The following LSG1 variants were observed in gnomAD, a reference collection of about 807,000 sequenced individuals.
LSG1 encodes the protein large 60S subunit nuclear export GTPase 1, also known as large subunit GTPase 1 homolog.
In LSG1, 55 loss-of-function variants were observed where a neutral mutation model predicts 82.6. The ratio of observed to expected loss-of-function variants is 0.67; its 90% confidence interval spans 0.54 to 0.83. LSG1 has a LOEUF of 0.83. Among genes scored for constraint, LSG1 ranks in the 40% least tolerant of loss-of-function variants. The pLI is 0.00. For missense variants in LSG1, 809 were observed against 807.9 expected, an observed-to-expected ratio of 1.00 and a Z score of -0.02; for synonymous variants, 272 against 282.5, an observed-to-expected ratio of 0.96 and a Z score of 0.37.
At chr3:194,642,371 C>T in intron 13 of LSG1, 124 bp from the exon 14 acceptor site, 1 of 674,250 alleles carries the variant, frequency 1.5e-6, no homozygotes. Context: ...ACTTCCGCCC[C>T]CCTCCCCTTC....
chr3:194,641,306 A>C lies in LSG1; in HGVS notation c.*762T>G, dbSNP rs949249521. ...ACATTTTTATCACTGCAAAAGAAAG[A>C]CCTCAATCTTCCCATTCCTCCCATC... On this transcript the variant is annotated 3_prime_UTR_variant, in exon 14 of 14. Transcript: ENST00000265245. The C allele has an allele frequency of 2.0e-5, 3 of 152,190 alleles. No individual in the cohort carries two copies. The highest frequency in any genetic ancestry group is 2.9e-5 in the Non-Finnish European group (2 of 68,046). The allele number at this position is 152,190 out of a possible 1,614,324, so 9.4% of individuals were successfully genotyped here. A position where few individuals can be genotyped will look rare whatever the true frequency, so the allele number is the denominator to read the frequency against.
In LSG1 at chr3:194,660,096, G is replaced by A. The variant is rs1303950679; in HGVS notation, c.559C>T (p.Leu187Phe). ...ACCAAATCCTCACATCTAAACAGGA[G>A]TGGGTTTCGAGCATCTACTATCTGG... ...VVQIVDARNP[L>F]LFRCEDLECY... Residue 187 changes from leucine to phenylalanine, a missense_variant, in exon 6 of 14, where the codon CTC (leucine) becomes TTC (phenylalanine). By Grantham distance (22) the Leu-to-Phe change is conservative. Transcript: ENST00000265245. The A allele has an allele frequency of 4.3e-6, 7 of 1,613,980 alleles. No homozygotes were observed. The highest frequency in any genetic ancestry group is 1.3e-5 in the African/African-American group (1 of 74,916).
rs147253885 is a variant in LSG1, at chr3:194,658,033, C to T, written c.759+924G>A. Among the ~76,000 whole-genome samples the T allele has an allele frequency of 2.0e-3, 297 of 152,230 alleles. 4 individuals carry two copies. The highest frequency in any genetic ancestry group is 6.8e-3 in the African/African-American group (281 of 41,534). ...ATAACCCAGCTCAACACACACTCCA[C>T]GGTCAACAGATGCCTGATAAACAGA... On this transcript the variant is annotated intron_variant, in intron 7 of 13. Coordinates refer to ENST00000265245, the MANE Select transcript of LSG1 (RefSeq NM_018385.3).
chr3:194,665,260 A>G (rs1719008815), intron 5 of LSG1, among the ~76,000 whole-genome samples: 1 of 152,196 alleles, frequency 6.6e-6, no homozygotes, highest in East Asian at 1.9e-4. Context: ...TCGTATCCAT[A>G]TTTTCCACAT....
chr3:194,666,607 G>A (rs769780601), intron 2 of LSG1, 35 bp from the exon 3 acceptor site: 2 of 1,582,330 alleles, frequency 1.3e-6, no homozygotes, highest in East Asian at 4.5e-5. Context: ...TTACTTAAGA[G>A]GCAGTATAGA....
At chr3:194,650,722 T>G in intron 10 of LSG1, 159 bp downstream of exon 10, 1 of 670,312 alleles carries the variant, frequency 1.5e-6, no homozygotes, top group South Asian at 2.2e-5. Context: ...GAAATGAGGT[T>G]CTATTCTGAA....
chr3:194,660,524 C>T (rs960619466), intron 5 of LSG1, among the ~76,000 whole-genome samples: 12 of 152,198 alleles, frequency 7.9e-5, no homozygotes, highest in African/African-American at 2.2e-4. Flanking sequence ...CTTCACTCCA[C>T]GGCAAAGTCT....
intron 2 of LSG1, among the ~76,000 whole-genome samples, chr3:194,667,073 T>G (rs941142947): frequency 6.8e-5 from 10 of 147,338 alleles, no homozygotes; most frequent in Admixed American, 6.1e-4. Context: ...TTGTCTTCTG[T>G]TTTTTTTTTG....
At chr3:194,662,108 G>GT (rs1718945471) in intron 5 of LSG1, among the ~76,000 whole-genome samples, 1 of 152,208 alleles carries the variant, frequency 6.6e-6, no homozygotes, top group Non-Finnish European at 1.5e-5. Flanking sequence ...AGAAAGCCCA[G>GT]TATTAGAAAC....
Position 194,669,022 on chromosome 3 carries a change from G to C in LSG1, c.226+987C>G, listed in dbSNP as rs148404893. ...TCATAGAAGCAGAGAGAAAATGGTG[G>C]TTACCAGAGATTAGGGAGTGGGGCA... is the stretch of plus-strand genomic sequence containing the variant. On this transcript the variant is annotated intron_variant, in intron 2 of 13. Coordinates refer to ENST00000265245, the MANE Select transcript of LSG1 (RefSeq NM_018385.3). Among the ~76,000 whole-genome samples, 105 of 152,298 alleles carry C rather than the reference G, an allele frequency of 6.9e-4. No homozygotes were observed. The East Asian group carries it at 0.018, about 26-fold the overall frequency.
In LSG1 at chr3:194,646,102, A is replaced by C. The variant is rs1718544459; in HGVS notation, c.1623+62T>G. On this transcript the variant is annotated intron_variant, in intron 12 of 13. Coordinates refer to ENST00000265245, the MANE Select transcript of LSG1 (RefSeq NM_018385.3). The stretch of plus-strand genomic sequence containing the variant: ...ATAATCGAACAGGTTACCATTATCT[A>C]AGAACGCAGAATGTGGAAAAGACTT... The C allele has an allele frequency of 1.3e-5, 20 of 1,500,972 alleles. No individual in the cohort carries two copies. In the South Asian group the frequency reaches 1.7e-4, roughly 13 times the overall value. The allele number at this position is 1,500,972 out of a possible 1,614,324, so 93.0% of individuals were successfully genotyped here. A position where few individuals can be genotyped will look rare whatever the true frequency, so the allele number is the denominator to read the frequency against.
chr3:194,642,205 C>G lies in LSG1; in HGVS notation c.1840G>C (p.Gly614Arg). 6.2e-7 allele frequency: 1 copy of G among 1,614,112 alleles called. No individual in the cohort carries two copies. Among genetic ancestry groups the G allele is most frequent in the Non-Finnish European group, 8.5e-7 (1 of 1,180,024 alleles). The change falls in exon 14 of 14, where the codon GGT becomes CGT. Residue 614 changes from glycine to arginine, a missense_variant. Transcript: ENST00000265245. ...ALTKGVQAVM[G>R]YKPGSGVVTA... Reference sequence around the variant, plus strand: ...ACTACACCACTCCCGGGCTTGTAACCCATCACAGCCTGGACTCCTTTGGTC... The same window carrying G: ...ACTACACCACTCCCGGGCTTGTAACGCATCACAGCCTGGACTCCTTTGGTC...
chr3:194,657,391 T>C (rs1718814104), intron 7 of LSG1, among the ~76,000 whole-genome samples: 1 of 151,762 alleles, frequency 6.6e-6, no homozygotes, highest in Middle Eastern at 3.2e-3. Context: ...AACAGTACTC[T>C]CCTAAGTTGA....
At chr3:194,654,042 C>T (rs1479783524) in intron 7 of LSG1, among the ~76,000 whole-genome samples, 1 of 152,240 alleles carries the variant, frequency 6.6e-6, no homozygotes, top group Non-Finnish European at 1.5e-5. Flanking sequence ...ATACTCCTCT[C>T]TGCACAAAGC....
chr3:194,642,132 T>G lies in LSG1; in HGVS notation c.1913A>C (p.Lys638Thr). The G allele has an allele frequency of 6.2e-7, 1 of 1,613,900 alleles. No individual in the cohort carries two copies. The highest frequency in any genetic ancestry group is 1.1e-5 in the South Asian group (1 of 91,064). ...TTTTTTATTTCTGTTGCCATGTTTT[T>G]TCCAGGGCTTCCCCGCCCCGTTCTC... ...SSENGAGKPW[K>T]KHGNRNKKEK... Residue 638 changes from lysine to threonine, a missense_variant, in exon 14 of 14, where the codon AAA becomes ACA. Physicochemically the swap from Lys to Thr is moderately conservative, Grantham distance 78. Coordinates refer to ENST00000265245, the MANE Select transcript of LSG1 (RefSeq NM_018385.3).
At chr3:194,646,032 A>C in intron 12 of LSG1, 132 bp downstream of exon 12, 1 of 820,204 alleles carries the variant, frequency 1.2e-6, no homozygotes, top group Non-Finnish European at 2.0e-6. Flanking sequence ...TAACTACCCT[A>C]CATCAAGAAC....
intron 5 of LSG1, among the ~76,000 whole-genome samples, chr3:194,662,719 G>A (rs530697763): frequency 2.0e-5 from 3 of 152,250 alleles, no homozygotes; most frequent in South Asian, 2.1e-4. Flanking sequence ...CCGAGATCAC[G>A]CCACTGCACT....
intron 5 of LSG1, among the ~76,000 whole-genome samples, chr3:194,664,952 A>T (rs57986023): frequency 5.4e-5 from 8 of 148,866 alleles, no homozygotes; most frequent in African/African-American, 9.9e-5. Context: ...AATAAATAAA[A>T]AACATAAAAA....
intron 7 of LSG1, among the ~76,000 whole-genome samples, chr3:194,657,458 G>GTTTTTTTTTTTTTTTTTTT (rs58115258): frequency 7.2e-6 from 1 of 139,152 alleles, no homozygotes. Flanking sequence ...TGCTTAGTAA[G>GTTTTTTTTTTTTTTTTTTT]TTTTTTTTTT....
Sources: allele counts gnomAD v4.1 joint callset (sites outside exome capture counted in the v4.1 genomes callset), GRCh38; gene constraint gnomAD v4.1.1; transcripts MANE v1.5; gene names NCBI Gene and HGNC (gene_info 2026-07-23, HGNC 2026-07-21).